Variants in STK32B observed in about 807,000 individuals in gnomAD.
The protein encoded by STK32B is serine/threonine-protein kinase 32B.
Under a neutral mutation model 52.6 loss-of-function variants are expected in STK32B, and 43 were observed. That is an observed-to-expected ratio of 0.82 (90% CI 0.64 to 1.05). STK32B has a LOEUF of 1.05. STK32B is among the 50% of genes least tolerant of loss of function. STK32B has a pLI of 0.00. For missense variants in STK32B, 621 were observed against 534.6 expected (o/e 1.16, Z -1.59); for synonymous variants, 238 against 204.3 (o/e 1.17, Z -1.41).
intron 1 of STK32B, among the ~76,000 whole-genome samples, chr4:5,136,827 T>C (rs1716107882): frequency 6.6e-6 from 1 of 152,186 alleles, no homozygotes; most frequent in Admixed American, 6.5e-5. Context: ...AGTGTCAGTG[T>C]AGTACACCCC....
At chr4:5,463,113 C>T (rs1362206292) in intron 9 of STK32B, among the ~76,000 whole-genome samples, 10 of 152,220 alleles carry the variant, frequency 6.6e-5, no homozygotes, top group Admixed American at 1.3e-4. Context: ...CTCTGCTCTG[C>T]GCGCATTCCC....
intron 6 of STK32B, among the ~76,000 whole-genome samples, chr4:5,426,712 AAAGG>A (rs1257750846): frequency 6.7e-6 from 1 of 149,952 alleles, no homozygotes; most frequent in African/African-American, 2.4e-5. Context: ...AAAAAAAAAA[AAAGG>A]AAAAGAAAAA....
intron 3 of STK32B, among the ~76,000 whole-genome samples, chr4:5,241,271 G>C (rs1725002186): frequency 6.6e-6 from 1 of 152,106 alleles, no homozygotes; most frequent in East Asian, 1.9e-4. Flanking sequence ...GCACTTATCT[G>C]GGTTTTGGTA....
chr4:5,476,397 C>T (rs1476424113), intron 11 of STK32B, among the ~76,000 whole-genome samples: 1 of 152,086 alleles, frequency 6.6e-6, no homozygotes, highest in Non-Finnish European at 1.5e-5. Flanking sequence ...ATTACAATAT[C>T]CAAGTGAAGT....
At chr4:5,351,258 A>G (rs115293584) in intron 4 of STK32B, among the ~76,000 whole-genome samples, 3 of 152,130 alleles carry the variant, frequency 2.0e-5, no homozygotes, top group African/African-American at 7.2e-5. Flanking sequence ...AATTATGTCA[A>G]ATGTTTTCTC....
intron 6 of STK32B, among the ~76,000 whole-genome samples, chr4:5,426,410 A>G (rs1467736169): frequency 6.6e-6 from 1 of 152,080 alleles, no homozygotes; most frequent in Non-Finnish European, 1.5e-5. Flanking sequence ...CTGTTAATTT[A>G]TTGGATTATT....
chr4:5,219,779 T>G (rs1723409062), intron 3 of STK32B, among the ~76,000 whole-genome samples: 1 of 152,234 alleles, frequency 6.6e-6, no homozygotes, highest in Non-Finnish European at 1.5e-5. Flanking sequence ...TGCCCCAGGA[T>G]GCTGTCTTGT....
intron 1 of STK32B, among the ~76,000 whole-genome samples, chr4:5,119,623 C>T (rs78323148): frequency 0.014 from 2,173 of 152,336 alleles, 61 homozygotes; most frequent in African/African-American, 0.048. Context: ...AGCATACGCT[C>T]AGCAATTTGT....
chr4:5,148,121 T>C (rs1003263932), intron 2 of STK32B, among the ~76,000 whole-genome samples: 2 of 151,908 alleles, frequency 1.3e-5, no homozygotes, highest in African/African-American at 4.8e-5. Flanking sequence ...ATATAACTTT[T>C]GGTAAGTTAT....
chr4:5,305,237 C>A (rs1729848552), intron 3 of STK32B, among the ~76,000 whole-genome samples: 1 of 151,556 alleles, frequency 6.6e-6, no homozygotes, highest in South Asian at 2.1e-4. Flanking sequence ...CTTTCTTTAT[C>A]TTTTGGAATA....
chr4:5,357,070 TATAC>T (rs1283747443), intron 4 of STK32B, among the ~76,000 whole-genome samples: 1 of 142,736 alleles, frequency 7.0e-6, no homozygotes, highest in Admixed American at 7.2e-5. Flanking sequence ...TATACACACA[TATAC>T]ACACACACAC....
intron 4 of STK32B, among the ~76,000 whole-genome samples, chr4:5,392,938 A>G (rs1022845029): frequency 1.3e-5 from 2 of 152,208 alleles, no homozygotes; most frequent in African/African-American, 4.8e-5. Context: ...CCCCATGTCC[A>G]CAGGAAGCAG....
chr4:5,212,903 C>T (rs1243024272), intron 3 of STK32B, among the ~76,000 whole-genome samples: 1 of 152,030 alleles, frequency 6.6e-6, no homozygotes, highest in African/African-American at 2.4e-5. Flanking sequence ...GGCAGAAGGT[C>T]GACATCGTTT....
At chr4:5,104,866 G>T (rs1714012543) in intron 1 of STK32B, among the ~76,000 whole-genome samples, 1 of 152,046 alleles carries the variant, frequency 6.6e-6, no homozygotes, top group South Asian at 2.1e-4. Flanking sequence ...ATTTCCATTG[G>T]AGTTATGTTC....
intron 8 of STK32B, 137 bp downstream of exon 8, chr4:5,457,060 C>G (rs959950848): frequency 1.7e-6 from 1 of 601,352 alleles, no homozygotes; most frequent in Non-Finnish European, 2.7e-6. Context: ...GCTCAAATGC[C>G]AAATGCCGTG....
chr4:5,120,856 A>T (rs1714986508), intron 1 of STK32B, among the ~76,000 whole-genome samples: 1 of 151,366 alleles, frequency 6.6e-6, no homozygotes, highest in African/African-American at 2.4e-5. Context: ...ATTATAAAAT[A>T]ATATAACACT....
chr4:5,295,341 A>G (rs539114041), intron 3 of STK32B, among the ~76,000 whole-genome samples: 1 of 152,202 alleles, frequency 6.6e-6, no homozygotes, highest in Non-Finnish European at 1.5e-5. Flanking sequence ...TAGTTTCAGA[A>G]GGAATGGTAC....
At chr4:5,168,572 A>C (rs1719077852) in intron 3 of STK32B, 122 bp downstream of exon 3, 4 of 1,196,808 alleles carry the variant, frequency 3.3e-6, no homozygotes, top group Non-Finnish European at 4.6e-6. Flanking sequence ...TTCTGGGTTC[A>C]GTTATTCTTA....
At chr4:5,231,501 A>G (rs1724265278) in intron 3 of STK32B, among the ~76,000 whole-genome samples, 1 of 152,100 alleles carries the variant, frequency 6.6e-6, no homozygotes, top group African/African-American at 2.4e-5. Flanking sequence ...AATCCCAGCT[A>G]CTTGGGAGGC....
Sources: gnomAD v4.1 joint callset for allele counts (sites outside exome capture counted in the v4.1 genomes callset) on GRCh38, gnomAD v4.1.1 for gene constraint, MANE v1.5 for transcripts, NCBI Gene and HGNC (gene_info 2026-07-23, HGNC 2026-07-21) for gene names.